The following AK2 variants were observed in gnomAD, a reference collection of about 807,000 sequenced individuals.
The protein encoded by AK2 is adenylate kinase 2, mitochondrial.
AK2 carries 15 observed loss-of-function variants against 24.6 expected under a neutral mutation model. The ratio of observed to expected loss-of-function variants is 0.61; its 90% confidence interval spans 0.41 to 0.94. AK2 has a LOEUF of 0.94. Ranked by LOEUF, AK2 falls within the 40% of genes least tolerant of loss-of-function variation. The pLI, the probability that AK2 is intolerant of heterozygous loss-of-function variation, is 0.00. For missense variants in AK2, 257 were observed against 304.1 expected, an observed-to-expected ratio of 0.85 and a Z score of 1.15; for synonymous variants, 102 against 114.0, an observed-to-expected ratio of 0.90 and a Z score of 0.67.
intron 1 of AK2, among the ~76,000 whole-genome samples, chr1:33,024,924 C>A (rs566630892): frequency 2.0e-5 from 3 of 152,134 alleles, no homozygotes; most frequent in Admixed American, 2.0e-4. Flanking sequence ...TGGTGGCTCA[C>A]GCCTATAACC....
At chr1:33,028,137 TCC>T (rs2124365116) in intron 1 of AK2, among the ~76,000 whole-genome samples, 1 of 152,324 alleles carries the variant, frequency 6.6e-6, no homozygotes, top group Admixed American at 6.5e-5. Flanking sequence ...TTTATTATAG[TCC>T]CCTCACACTT....
chr1:33,022,196 A>C (rs1639598592), intron 2 of AK2, among the ~76,000 whole-genome samples: 1 of 152,086 alleles, frequency 6.6e-6, no homozygotes, highest in Non-Finnish European at 1.5e-5. Flanking sequence ...TCCCTGTTCC[A>C]CAGCTGTCAT....
At position 33,020,188 on chromosome 1, in the gene AK2, A is replaced by AACACACACACAC. The variant is rs56098182; in HGVS notation, c.425+1167_425+1178dup. 1.6e-3 allele frequency: 1,419 copies of AACACACACACAC among 877,746 alleles called. 3 individuals are homozygous for AACACACACACAC. The highest frequency in any genetic ancestry group is 5.7e-3 in the South Asian group (360 of 63,206). The allele number at this position is 877,746 out of a possible 1,614,324, so 54.4% of individuals were successfully genotyped here. On this transcript the variant is annotated intron_variant, in intron 4 of 5. Coordinates refer to ENST00000672715, the MANE Select transcript of AK2 (RefSeq NM_001625.4). ...TATTACAGAGAAACAAACATGTTAA[A>AACACACACACAC]ACACACACACACACACACACACACA...
In AK2 at chr1:33,013,410, C is replaced by T. The variant is rs752613147; in HGVS notation, c.499-8G>A. On this transcript the variant is annotated splice_region_variant and splice_polypyrimidine_tract_variant and intron_variant, in intron 5 of 5. Coordinates refer to ENST00000672715, the MANE Select transcript of AK2 (RefSeq NM_001625.4). ...CAAGGGTTCCCCGGTGATCTGAGAA[C>T]AGGAAGACAGCAATGAAAGGCTGGG... is the stretch of plus-strand genomic sequence containing the variant. The T allele has an allele frequency of 6.2e-7, 1 of 1,603,396 alleles. No homozygotes were observed. The highest frequency in any genetic ancestry group is 2.3e-5 in the East Asian group (1 of 44,378).
chr1:33,017,694 C>T (rs1639278307), intron 4 of AK2, among the ~76,000 whole-genome samples: 1 of 152,310 alleles, frequency 6.6e-6, no homozygotes, highest in South Asian at 2.1e-4. Flanking sequence ...AGCCACTGAG[C>T]GTGGCTTGGA....
In AK2 at chr1:33,028,131, T is replaced by C. The variant is rs373511927; in HGVS notation, c.94-3564A>G. On this transcript the variant is annotated intron_variant, in intron 1 of 5. Coordinates refer to ENST00000672715, the MANE Select transcript of AK2 (RefSeq NM_001625.4). ...GCAGAAACCTAATGAAATAACTTTATTATAGTCCCCTCACACTTCAAACTT... is the reference window on the plus strand; with the variant it reads ...GCAGAAACCTAATGAAATAACTTTACTATAGTCCCCTCACACTTCAAACTT... 5.1e-4 allele frequency among the ~76,000 whole-genome samples: 77 copies of C among 152,214 alleles called. 1 individual carries two copies. The highest frequency in any genetic ancestry group is 2.6e-4 in the Admixed American group (4 of 15,266).
At chr1:33,019,844 T>A (rs1481009127) in intron 4 of AK2, 3 of 1,228,256 alleles carry the variant, frequency 2.4e-6, no homozygotes, top group Non-Finnish European at 3.1e-6. Flanking sequence ...AATAAGGAAA[T>A]AAGTAAACAA....
At chr1:33,030,598 A>T (rs569244908) in intron 1 of AK2, among the ~76,000 whole-genome samples, 6 of 152,268 alleles carry the variant, frequency 3.9e-5, no homozygotes, top group African/African-American at 1.4e-4. Flanking sequence ...TCCGCTGAGG[A>T]TTCATATTAA....
chr1:33,021,506 A>G (rs779205826), intron 3 of AK2, 45 bp from the exon 4 acceptor site: 58 of 1,605,370 alleles, frequency 3.6e-5, no homozygotes, highest in Non-Finnish European at 4.9e-5. Flanking sequence ...GAGCTTGGTT[A>G]GACCCATCTC....
At chr1:33,020,114 C>T in intron 4 of AK2, 1 of 1,535,136 alleles carries the variant, frequency 6.5e-7, no homozygotes, top group Non-Finnish European at 8.7e-7. Flanking sequence ...CAGTGTTGGT[C>T]TGTCAGAACA....
Position 33,032,744 on chromosome 1 carries a change from A to G in AK2, c.93+3992T>C, listed in dbSNP as rs545273966. On this transcript the variant is annotated intron_variant, in intron 1 of 5. Transcript: ENST00000672715. ...AAATTGAACCTAAATTGAATTAAGT[A>G]TATACTAATTAAGTATAAACCACCA... 3.3e-5 allele frequency among the ~76,000 whole-genome samples: 5 copies of G among 152,352 alleles called. No homozygotes were observed. In the South Asian group the frequency reaches 1.0e-3, roughly 32 times the overall value.
In AK2 at chr1:33,012,925, G is replaced by C. The variant is rs1276485867; in HGVS notation, c.*256C>G. On this transcript the variant is annotated 3_prime_UTR_variant, in exon 6 of 6. Transcript: ENST00000672715. ...AACAACAACAAAAAAGAAGTAAACA[G>C]CTGGTAAAGCAACCTAGCCTAAAAC... 2 of 1,462,448 alleles carry C rather than the reference G, an allele frequency of 1.4e-6. No homozygotes were observed. The highest frequency in any genetic ancestry group is 2.9e-5 in the East Asian group (1 of 34,268). 90.6% of individuals were successfully genotyped at this position (1,462,448 alleles called of 1,614,324 possible).
At chr1:33,030,440 G>C (rs1243792570) in intron 1 of AK2, among the ~76,000 whole-genome samples, 3 of 152,026 alleles carry the variant, frequency 2.0e-5, no homozygotes, top group East Asian at 3.9e-4. Flanking sequence ...TTATAGTCCA[G>C]CTACTTAGGA....
chr1:33,030,305 C>T (rs924585853), intron 1 of AK2, among the ~76,000 whole-genome samples: 1 of 152,198 alleles, frequency 6.6e-6, no homozygotes, highest in African/African-American at 2.4e-5. Context: ...CAGTGGCTCA[C>T]ATCTGTAATC....
chr1:33,026,087 T>C (rs1639860413), intron 1 of AK2, among the ~76,000 whole-genome samples: 1 of 152,234 alleles, frequency 6.6e-6, no homozygotes, highest in Non-Finnish European at 1.5e-5. Flanking sequence ...ACAAGGAATA[T>C]AATCAGTTCA....
rs955696483 is a variant in AK2, at chr1:33,012,651, C to T, written c.*530G>A. ...GTGGCTCACGTCTGTGATCCTGGCACTTCAGGAGGCCAAGGTGGGTGGATT... is the reference window on the plus strand; with the variant it reads ...GTGGCTCACGTCTGTGATCCTGGCATTTCAGGAGGCCAAGGTGGGTGGATT... On this transcript the variant is annotated 3_prime_UTR_variant, in exon 6 of 6. Transcript: ENST00000672715. 1.7e-5 allele frequency: 22 copies of T among 1,283,300 alleles called. No homozygotes were observed. In the African/African-American group the frequency reaches 3.2e-4, roughly 19 times the overall value. 79.5% of individuals were successfully genotyped at this position (1,283,300 alleles called of 1,614,324 possible).
chr1:33,023,835 A>G (rs981101729), intron 2 of AK2, among the ~76,000 whole-genome samples: 32 of 152,364 alleles, frequency 2.1e-4, no homozygotes, highest in African/African-American at 7.2e-4. Context: ...ACTATGAATG[A>G]GTGCCATAAA....
intron 4 of AK2, 42 bp downstream of exon 4, chr1:33,021,325 A>G: frequency 6.5e-7 from 1 of 1,539,822 alleles, no homozygotes; most frequent in Non-Finnish European, 9.0e-7. Context: ...AGTTTGAGAA[A>G]GCTCTGAGAA....
At position 33,021,688 on chromosome 1, in the gene AK2, C is replaced by T. The variant is rs377392897; in HGVS notation, c.235G>A (p.Val79Ile). The change falls in exon 3 of 6, where the codon GTA (valine) becomes ATA (isoleucine). Residue 79 changes from valine to isoleucine, a missense_variant. Val to Ile is a conservative substitution (Grantham distance 29). Transcript: ENST00000672715. ...DAGKLVSDEM[V>I]VELIEKNLET... ...AAATTCTTCTCAATGAGCTCCACTA[C>T]CATTTCATCACTCACCTGGAAGTTA... is the stretch of plus-strand genomic sequence containing the variant. 1.2e-5 allele frequency: 20 copies of T among 1,613,492 alleles called. No homozygotes were observed. Among genetic ancestry groups the T allele is most frequent in the Non-Finnish European group, 1.7e-5 (20 of 1,179,510 alleles).
Sources: gnomAD v4.1 joint callset for allele counts (sites outside exome capture counted in the v4.1 genomes callset) on GRCh38, gnomAD v4.1.1 for gene constraint, MANE v1.5 for transcripts, NCBI Gene and HGNC (gene_info 2026-07-23, HGNC 2026-07-21) for gene names.